The following NRG1 variants were observed in gnomAD, a reference collection of about 807,000 sequenced individuals.
NRG1 encodes neuregulin 1.
Under a neutral mutation model 63.8 loss-of-function variants are expected in NRG1, and 18 were observed. The observed-to-expected ratio is 0.28, with a 90% confidence interval of 0.19 to 0.42. The LOEUF (loss-of-function observed/expected upper bound fraction) is 0.42. Ranked by LOEUF, NRG1 falls within the 10% of genes least tolerant of loss-of-function variation. The pLI is 1.00. For synonymous variants in NRG1, 302 were observed against 301.3 expected, an observed-to-expected ratio of 1.00 and a Z score of -0.02; for missense variants, 762 against 814.7, an observed-to-expected ratio of 0.94 and a Z score of 0.79.
chr8:32,363,610 G>C (rs1440353835), intron 1 of NRG1, among the ~76,000 whole-genome samples: 1 of 151,998 alleles, frequency 6.6e-6, no homozygotes, highest in African/African-American at 2.4e-5. Context: ...ATAGCATTTG[G>C]GCAAACGATC....
chr8:32,492,440 A>G (rs1295341337), intron 1 of NRG1, among the ~76,000 whole-genome samples: 1 of 134,896 alleles, frequency 7.4e-6, no homozygotes, highest in Non-Finnish European at 1.6e-5. Flanking sequence ...TTTTTTCTGT[A>G]GAAAGCATAC....
At chr8:32,494,849 CCT>C (rs34757605) in intron 1 of NRG1, among the ~76,000 whole-genome samples, 41,395 of 151,952 alleles carry the variant, frequency 0.27, 5,970 homozygotes, top group South Asian at 0.35. Flanking sequence ...ATGTACACCC[CCT>C]GTTTCCAAAT....
chr8:31,961,209 T>TA (rs1484399338), intron 1 of NRG1, among the ~76,000 whole-genome samples: 1 of 152,132 alleles, frequency 6.6e-6, no homozygotes, highest in African/African-American at 2.4e-5. Flanking sequence ...GCCGATAGAG[T>TA]AAAAAGCATT....
chr8:32,544,072 T>C (rs1832824572), upstream of NRG1, among the ~76,000 whole-genome samples: 1 of 152,230 alleles, frequency 6.6e-6, no homozygotes, highest in Admixed American at 6.5e-5. Context: ...TGCTTGTTAA[T>C]GTCTCCTATT....
intron 1 of NRG1, among the ~76,000 whole-genome samples, chr8:31,831,190 C>T (rs1825123393): frequency 6.6e-6 from 1 of 151,942 alleles, no homozygotes; most frequent in Non-Finnish European, 1.5e-5. Flanking sequence ...CAACATCCGC[C>T]TCCTGAGTTC....
At chr8:31,852,295 G>A (rs1827321559) in intron 1 of NRG1, among the ~76,000 whole-genome samples, 1 of 150,006 alleles carries the variant, frequency 6.7e-6, no homozygotes, top group Admixed American at 6.6e-5. Flanking sequence ...TTTAATGATT[G>A]CCATTCTAAC....
chr8:32,495,893 C>G (rs1183957202), intron 1 of NRG1, among the ~76,000 whole-genome samples: 2 of 152,218 alleles, frequency 1.3e-5, no homozygotes, highest in Non-Finnish European at 2.9e-5. Flanking sequence ...CCAGTCCAGT[C>G]TATCGTATTC....
intron 5 of NRG1, among the ~76,000 whole-genome samples, chr8:32,645,888 A>G (rs1341269000): frequency 2.0e-5 from 3 of 152,186 alleles, no homozygotes; most frequent in Non-Finnish European, 4.4e-5. Flanking sequence ...CTGTTGTTTT[A>G]AAAGAAAAAA....
chr8:32,161,447 C>T (rs1041263350), intron 1 of NRG1, among the ~76,000 whole-genome samples: 2 of 151,736 alleles, frequency 1.3e-5, no homozygotes, highest in Non-Finnish European at 1.5e-5. Context: ...CAATTAATTA[C>T]GGAAGTTATA....
chr8:32,615,654 T>A (rs1159183765), intron 4 of NRG1, among the ~76,000 whole-genome samples: 1 of 152,102 alleles, frequency 6.6e-6, no homozygotes, highest in Non-Finnish European at 1.5e-5. Context: ...TCTTTTTCCA[T>A]CTTACCTCCA....
rs545486645 is a variant in NRG1 at position 32,215,564 on chromosome 8, A to G, written c.38-380264A>G. On this transcript the variant is annotated intron_variant, in intron 1 of 10. Transcript: ENST00000519301. ...GAGTGTATGCATGAGGAAATGCCTC[A>G]GAGAGGTTCAGCAACTTGCCCAAGG... Among the ~76,000 whole-genome samples, 10 of 152,352 alleles carry G rather than the reference A, an allele frequency of 6.6e-5. No individual in the cohort carries two copies. In the East Asian group the frequency reaches 1.7e-3, roughly 26 times the overall value.
At chr8:32,328,429 T>C (rs865948445) in intron 1 of NRG1, among the ~76,000 whole-genome samples, 2 of 112,218 alleles carry the variant, frequency 1.8e-5, no homozygotes, top group Non-Finnish European at 3.8e-5. Flanking sequence ...ATTTAACATC[T>C]TTTTTTTTTT....
chr8:32,043,488 G>A (rs1023891350), intron 1 of NRG1, among the ~76,000 whole-genome samples: 3 of 151,932 alleles, frequency 2.0e-5, no homozygotes, highest in African/African-American at 7.2e-5. Flanking sequence ...AAACTGAAGA[G>A]CAAGTTTCAT....
At chr8:31,683,660 C>A (rs1216397705) in intron 1 of NRG1, among the ~76,000 whole-genome samples, 1 of 152,050 alleles carries the variant, frequency 6.6e-6, no homozygotes, top group Admixed American at 6.6e-5. Context: ...AAATGTACAG[C>A]CCTGAGAGTG....
At chr8:32,446,729 C>G (rs2129487802) in intron 1 of NRG1, among the ~76,000 whole-genome samples, 1 of 151,556 alleles carries the variant, frequency 6.6e-6, no homozygotes, top group South Asian at 2.1e-4. Context: ...CAATGCAGAT[C>G]AAAACTTTGG....
intron 1 of NRG1, among the ~76,000 whole-genome samples, chr8:32,258,036 A>C (rs1328289902): frequency 1.3e-5 from 2 of 152,208 alleles, no homozygotes; most frequent in Non-Finnish European, 2.9e-5. Flanking sequence ...TATGGTTTCC[A>C]ATATAGGACA....
intron 1 of NRG1, among the ~76,000 whole-genome samples, chr8:32,331,769 C>T (rs913258497): frequency 2.0e-5 from 3 of 152,028 alleles, no homozygotes; most frequent in South Asian, 2.1e-4. Flanking sequence ...CATCTCAGAC[C>T]GATGCTTAGT....
chr8:32,537,354 G>T (rs536014773), intron 1 of NRG1, among the ~76,000 whole-genome samples: 2 of 152,076 alleles, frequency 1.3e-5, no homozygotes, highest in African/African-American at 4.8e-5. Context: ...AGAAAGGGAT[G>T]ATAAGAGAAG....
intron 1 of NRG1, among the ~76,000 whole-genome samples, chr8:32,049,767 T>C (rs1821675518): frequency 6.6e-6 from 1 of 152,130 alleles, no homozygotes; most frequent in South Asian, 2.1e-4. Flanking sequence ...GGGAAGATGA[T>C]GATTTTCAAT....
Sources: gnomAD v4.1 joint callset for allele counts (sites outside exome capture counted in the v4.1 genomes callset) on GRCh38, gnomAD v4.1.1 for gene constraint, MANE v1.5 for transcripts, NCBI Gene and HGNC (gene_info 2026-07-23, HGNC 2026-07-21) for gene names.